Variants in TESC observed in about 807,000 individuals in gnomAD.
TESC encodes the protein tescalcin.
Under a neutral mutation model 31.0 loss-of-function variants are expected in TESC, and 19 were observed. The ratio of observed to expected loss-of-function variants is 0.61; its 90% CI spans 0.43 to 0.90. The LOEUF (loss-of-function observed/expected upper bound fraction) is 0.90, where lower values mean the gene tolerates loss of function less well. Among genes scored for constraint, TESC ranks in the 40% least tolerant of loss-of-function variants. The pLI, the probability that TESC is intolerant of heterozygous loss-of-function variation, is 0.00. For synonymous variants in TESC, 109 were observed against 114.8 expected, an observed-to-expected ratio of 0.95 and a Z score of 0.32; for missense variants, 248 against 303.8, an observed-to-expected ratio of 0.82 and a Z score of 1.36.
rs1335934147 is a variant in TESC at position 117,039,132 on chromosome 12, G to C, written c.*1C>G. 1 of 1,613,844 alleles carries C rather than the reference G, an allele frequency of 6.2e-7. No homozygotes were observed. The highest frequency in any genetic ancestry group is 8.5e-7 in the Non-Finnish European group (1 of 1,179,940). Reference sequence around the variant, plus strand: ...AGTTTCTCCGCGGAGGTGGCGGTGGGTCAGTGGCAGAGGGCCATGGTTTCC... The same window carrying C: ...AGTTTCTCCGCGGAGGTGGCGGTGGCTCAGTGGCAGAGGGCCATGGTTTCC... On this transcript the variant is annotated 3_prime_UTR_variant, in exon 8 of 8. Transcript: ENST00000335209.
At chr12:117,099,176 G>C in intron 1 of TESC, 49 bp downstream of exon 1, 1 of 1,465,844 alleles carries the variant, frequency 6.8e-7, no homozygotes, top group Non-Finnish European at 9.0e-7. Context: ...AACAGTGGCC[G>C]TTCGGAGGTC....
intron 7 of TESC, among the ~76,000 whole-genome samples, chr12:117,040,199 G>T (rs1027326644): frequency 3.3e-5 from 5 of 152,238 alleles, no homozygotes; most frequent in Non-Finnish European, 5.9e-5. Context: ...TCCTGAGCCT[G>T]TTCTGGGTGT....
intron 3 of TESC, among the ~76,000 whole-genome samples, chr12:117,049,628 C>CAG (rs1954618417): frequency 6.6e-6 from 1 of 151,976 alleles, no homozygotes; most frequent in Non-Finnish European, 1.5e-5. Context: ...GGGCTGGGTG[C>CAG]GGTGGCTAAT....
At chr12:117,082,476 G>A (rs113512629) in intron 1 of TESC, among the ~76,000 whole-genome samples, 27 of 151,626 alleles carry the variant, frequency 1.8e-4, no homozygotes, top group South Asian at 1.0e-3. Context: ...CACTCCAGCC[G>A]GGGGGACAAG....
At chr12:117,063,641 C>A (rs1463256385) in intron 2 of TESC, among the ~76,000 whole-genome samples, 2 of 152,208 alleles carry the variant, frequency 1.3e-5, no homozygotes, top group African/African-American at 4.8e-5. Flanking sequence ...GGAACTTCCA[C>A]CGCTCCAGGG....
Position 117,038,936 on chromosome 12 carries a change from C to T in TESC, c.*197G>A. 2.1e-6 allele frequency: 1 copy of T among 479,808 alleles called. No individual in the cohort carries two copies. The highest frequency in any genetic ancestry group is 3.7e-6 in the Non-Finnish European group (1 of 272,592). 29.7% of individuals were successfully genotyped at this position (479,808 alleles called of 1,614,324 possible). A position where few individuals can be genotyped will look rare whatever the true frequency, so the allele number is the denominator to read the frequency against. On this transcript the variant is annotated 3_prime_UTR_variant, in exon 8 of 8. Coordinates refer to ENST00000335209, the MANE Select transcript of TESC (RefSeq NM_017899.4). ...ACAGAGGCCACATTAATTAACAAAC[C>T]TTTTTTTTTTTTTTATTGGAGATAA...
chr12:117,085,124 T>C (rs896468498), intron 1 of TESC, among the ~76,000 whole-genome samples: 3 of 152,132 alleles, frequency 2.0e-5, no homozygotes, highest in African/African-American at 7.2e-5. Context: ...CCAATGGGGT[T>C]CTGGGGGTGG....
intron 3 of TESC, among the ~76,000 whole-genome samples, chr12:117,052,368 C>T (rs1954660062): frequency 6.6e-6 from 1 of 152,134 alleles, no homozygotes; most frequent in South Asian, 2.1e-4. Flanking sequence ...CTCTGAAATC[C>T]TCCTCCAGCT....
chr12:117,082,267 G>A (rs776564804), intron 1 of TESC, among the ~76,000 whole-genome samples: 1 of 152,096 alleles, frequency 6.6e-6, no homozygotes, highest in Non-Finnish European at 1.5e-5. Flanking sequence ...ATTTTGGGAA[G>A]CCGAGGCGGG....
At chr12:117,069,324 C>T (rs972641966) in intron 2 of TESC, among the ~76,000 whole-genome samples, 1 of 152,158 alleles carries the variant, frequency 6.6e-6, no homozygotes, top group South Asian at 2.1e-4. Context: ...ATTGCGACCT[C>T]TCCCTCCCAT....
Position 117,052,083 on chromosome 12 carries a change from C to T in TESC, c.210-2925G>A, listed in dbSNP as rs970072087. On this transcript the variant is annotated intron_variant, in intron 3 of 7. Coordinates refer to ENST00000335209, the MANE Select transcript of TESC (RefSeq NM_017899.4). ...TGCCACCACACCCAGCCCTCTAACT[C>T]CCATTTCTAAAATGAGCACCAGGAT... is the stretch of plus-strand genomic sequence containing the variant. 3.9e-5 allele frequency among the ~76,000 whole-genome samples: 6 copies of T among 152,266 alleles called. No homozygotes were observed. In the South Asian group the frequency reaches 8.3e-4, roughly 21 times the overall value.
intron 2 of TESC, among the ~76,000 whole-genome samples, chr12:117,057,971 G>A (rs1954750137): frequency 6.6e-6 from 1 of 152,192 alleles, no homozygotes; most frequent in African/African-American, 2.4e-5. Context: ...TGTAATCCCA[G>A]CACTGTGGGA....
intron 3 of TESC, among the ~76,000 whole-genome samples, chr12:117,052,585 A>C (rs2135756018): frequency 6.6e-6 from 1 of 152,264 alleles, no homozygotes; most frequent in Middle Eastern, 3.4e-3. Flanking sequence ...CCAGAGGCCG[A>C]GGTCCAGGGA....
chr12:117,051,357 G>A (rs1251917828), intron 3 of TESC, among the ~76,000 whole-genome samples: 2 of 152,112 alleles, frequency 1.3e-5, no homozygotes, highest in African/African-American at 2.4e-5. Context: ...GGGAGAGGTG[G>A]GGTCCCAAGT....
At position 117,099,387 on chromosome 12, in the gene TESC, C is replaced by T. The variant is rs1038627516; in HGVS notation, c.-105G>A. 6 of 1,174,594 alleles carry T rather than the reference C, an allele frequency of 5.1e-6. No individual in the cohort carries two copies. The highest frequency in any genetic ancestry group is 1.6e-5 in the African/African-American group (1 of 61,822). 72.8% of individuals were successfully genotyped at this position (1,174,594 alleles called of 1,614,324 possible). A position where few individuals can be genotyped will look rare whatever the true frequency, so the allele number is the denominator to read the frequency against. ...CCTCGGGTCCGGCCTCGGGTCGGGACGCCGGCGAAGGCTCGGAGCCGCGGG... is the reference window on the plus strand; with the variant it reads ...CCTCGGGTCCGGCCTCGGGTCGGGATGCCGGCGAAGGCTCGGAGCCGCGGG... On this transcript the variant is annotated 5_prime_UTR_variant, in exon 1 of 8. Transcript: ENST00000335209.
chr12:117,046,361 T>G (rs1954559117), intron 6 of TESC, 198 bp downstream of exon 6: 1 of 605,090 alleles, frequency 1.7e-6, no homozygotes, highest in Non-Finnish European at 2.9e-6. Context: ...CTTCCCTGCC[T>G]TATGCAGCTC....
chr12:117,066,200 CTTTTTTTTTTTT>C (rs58829406), intron 2 of TESC, among the ~76,000 whole-genome samples: 6 of 62,964 alleles, frequency 9.5e-5, no homozygotes, highest in African/African-American at 4.3e-4. Context: ...CTTCCTTTAG[CTTTTTTTTTTTT>C]TTTTTTTTTT....
chr12:117,039,153 T>A lies in TESC; in HGVS notation c.625A>T (p.Thr209Ser). 4 of 1,614,080 alleles carry A rather than the reference T, an allele frequency of 2.5e-6. No individual in the cohort carries two copies. Among genetic ancestry groups the A allele is most frequent in the Non-Finnish European group, 3.4e-6 (4 of 1,179,988 alleles). ...GTGGGTCAGTGGCAGAGGGCCATGG[T>A]TTCCATGTTAAGGAAGCGGACGTGC... Reference protein sequence around the residue: ...KMHVRFLNMETMALCH With the variant: ...KMHVRFLNMESMALCH Residue 209 changes from threonine to serine, a missense_variant, in exon 8 of 8, where the codon ACC becomes TCC. Thr to Ser is a moderately conservative substitution (Grantham distance 58). Transcript: ENST00000335209.
intron 2 of TESC, among the ~76,000 whole-genome samples, chr12:117,068,902 G>A (rs1348170974): frequency 6.6e-6 from 1 of 152,120 alleles, no homozygotes; most frequent in African/African-American, 2.4e-5. Context: ...ACATTTACCA[G>A]TTAAGGGGCC....
Sources: gnomAD v4.1 joint callset for allele counts (sites outside exome capture counted in the v4.1 genomes callset) on GRCh38, gnomAD v4.1.1 for gene constraint, MANE v1.5 for transcripts, NCBI Gene and HGNC (gene_info 2026-07-23, HGNC 2026-07-21) for gene names.